FGD3: variants seen among roughly 807,000 people sequenced by gnomAD.
The protein encoded by FGD3 is FYVE, RhoGEF and PH domain-containing protein 3.
FGD3 carries 45 observed loss-of-function variants against 71.8 expected under a neutral mutation model. That is an observed-to-expected ratio of 0.63 (90% CI 0.49 to 0.80). The LOEUF (loss-of-function observed/expected upper bound fraction) is 0.80, where lower values mean the gene tolerates loss of function less well. Among genes scored for constraint, FGD3 ranks in the 30% least tolerant of loss-of-function variants. The pLI, the probability that FGD3 is intolerant of heterozygous loss-of-function variation, is 0.00. For synonymous variants in FGD3, 378 were observed against 392.8 expected (o/e 0.96, Z 0.44); for missense variants, 844 against 951.5 (o/e 0.89, Z 1.49).
intron 14 of FGD3, among the ~76,000 whole-genome samples, chr9:93,025,998 G>A (rs909740916): frequency 7.9e-5 from 12 of 152,200 alleles, no homozygotes; most frequent in African/African-American, 2.4e-4. Flanking sequence ...CAGTGCCTGC[G>A]CCTCACAGCC....
intron 15 of FGD3, chr9:93,032,402 T>A (rs1429842249): frequency 4.5e-6 from 1 of 220,544 alleles, no homozygotes; most frequent in Non-Finnish European, 9.3e-6. Context: ...AAAATAGCCA[T>A]GCTGAGGGGT....
chr9:93,026,499 C>G (rs868495503), intron 14 of FGD3, among the ~76,000 whole-genome samples: 1 of 152,170 alleles, frequency 6.6e-6, no homozygotes, highest in East Asian at 1.9e-4. Flanking sequence ...GGGTTGGCCT[C>G]GACGGGCTGC....
Position 92,976,358 on chromosome 9 carries a change from G to T in FGD3, c.102G>T (p.Ala34=). 6.2e-7 allele frequency: 1 copy of T among 1,610,332 alleles called. No homozygotes were observed. The highest frequency in any genetic ancestry group is 1.1e-5 in the South Asian group (1 of 90,184). The part of the protein sequence containing the change: ...PGSSSLGKLQ[A]LPVGPRAHCG... ...GTTCCTCCCTAGGGAAGCTTCAGGCGCTCCCTGTTGGGCCCAGAGCCCACT... is the reference window on the plus strand; with the variant it reads ...GTTCCTCCCTAGGGAAGCTTCAGGCTCTCCCTGTTGGGCCCAGAGCCCACT... Residue 34 remains alanine (A), a synonymous_variant, in exon 3 of 18, where the codon GCG becomes GCT. Coordinates refer to ENST00000375482, the MANE Select transcript of FGD3 (RefSeq NM_001083536.2).
rs1396586535 is a variant in FGD3, at chr9:93,011,861, A to T, written c.1035+589A>T. Among the ~76,000 whole-genome samples, 6 of 143,386 alleles carry T rather than the reference A, an allele frequency of 4.2e-5. No homozygotes were observed. The East Asian group carries it at 1.2e-3, about 30-fold the overall frequency. 94.1% of individuals were successfully genotyped at this position (143,386 alleles called of 152,430 possible). A position where few individuals can be genotyped will look rare whatever the true frequency, so the allele number is the denominator to read the frequency against. On this transcript the variant is annotated intron_variant, in intron 8 of 17. Coordinates refer to ENST00000375482, the MANE Select transcript of FGD3 (RefSeq NM_001083536.2). ...ACAGAGTGAGACTCCGTCTCAAAAA[A>T]AAAAGAATCACTCTAGGCCAGGCGC...
intron 15 of FGD3, among the ~76,000 whole-genome samples, chr9:93,031,729 G>T (rs1234300194): frequency 6.6e-6 from 1 of 152,168 alleles, no homozygotes; most frequent in Non-Finnish European, 1.5e-5. Context: ...GTTCAAACTA[G>T]AATTTCCCAA....
chr9:92,967,046 C>G (rs571207032), intron 1 of FGD3, among the ~76,000 whole-genome samples: 6 of 151,636 alleles, frequency 4.0e-5, no homozygotes, highest in African/African-American at 1.5e-4. Context: ...ACTGCAACCT[C>G]CATCTCCCAG....
chr9:93,031,438 G>A (rs1862352534), intron 15 of FGD3, among the ~76,000 whole-genome samples: 1 of 152,218 alleles, frequency 6.6e-6, no homozygotes, highest in Admixed American at 6.5e-5. Flanking sequence ...GTGGCTCGGT[G>A]CCCTCAGTGA....
At chr9:93,011,145 T>C in intron 7 of FGD3, 69 bp from the exon 8 acceptor site, 1 of 1,511,624 alleles carries the variant, frequency 6.6e-7, no homozygotes, top group Admixed American at 1.7e-5. Flanking sequence ...GCAGCTGCCC[T>C]GGAGCCCCTC....
In FGD3 at chr9:93,002,836, T is replaced by A; in HGVS notation, c.454-89T>A. On this transcript the variant is annotated intron_variant, in intron 3 of 17. Transcript: ENST00000375482. ...GGCCTCCTGCCACCCCTGTGGCCCC[T>A]GGTTCTCCTGCACACAGTGGCAGCC... The A allele has an allele frequency of 2.2e-6, 3 of 1,343,746 alleles. No homozygotes were observed. In the East Asian group the frequency reaches 6.9e-5, roughly 31 times the overall value. The allele number at this position is 1,343,746 out of a possible 1,614,324, so 83.2% of individuals were successfully genotyped here.
intron 9 of FGD3, among the ~76,000 whole-genome samples, chr9:93,015,269 A>T (rs1377118011): frequency 6.6e-6 from 1 of 152,088 alleles, no homozygotes; most frequent in Non-Finnish European, 1.5e-5. Flanking sequence ...CAGCCTGGCC[A>T]ACATGGCGAA....
At chr9:92,983,294 G>A (rs939242662) in intron 3 of FGD3, among the ~76,000 whole-genome samples, 9 of 151,812 alleles carry the variant, frequency 5.9e-5, no homozygotes, top group Admixed American at 4.6e-4. Flanking sequence ...AGGCTGAGGC[G>A]GGTGGATCAT....
intron 3 of FGD3, among the ~76,000 whole-genome samples, chr9:92,979,100 C>A (rs1176129159): frequency 6.6e-6 from 1 of 151,906 alleles, no homozygotes; most frequent in Non-Finnish European, 1.5e-5. Context: ...GACTTTTCTT[C>A]CTTTTTCTCT....
intron 3 of FGD3, among the ~76,000 whole-genome samples, chr9:92,987,730 C>T (rs764940411): frequency 3.3e-5 from 5 of 152,170 alleles, no homozygotes; most frequent in Non-Finnish European, 4.4e-5. Flanking sequence ...GGCCCACCAG[C>T]ACTTGGGAGG....
intron 3 of FGD3, among the ~76,000 whole-genome samples, chr9:92,977,159 G>T (rs1446303646): frequency 6.6e-6 from 1 of 152,210 alleles, no homozygotes; most frequent in Non-Finnish European, 1.5e-5. Flanking sequence ...GTCACCTATG[G>T]GGTGTGGCAC....
chr9:93,032,370 G>C, intron 15 of FGD3: 1 of 192,110 alleles, frequency 5.2e-6, no homozygotes, highest in Admixed American at 5.3e-5. Flanking sequence ...TCTTTTTGTC[G>C]CTGTTGTCAT....
At chr9:92,986,298 G>C (rs2118625247) in intron 3 of FGD3, among the ~76,000 whole-genome samples, 1 of 152,292 alleles carries the variant, frequency 6.6e-6, no homozygotes, top group East Asian at 1.9e-4. Flanking sequence ...TTTTCTCAGA[G>C]TCCCATCTCT....
At chr9:93,014,081 G>T in intron 9 of FGD3, 83 bp downstream of exon 9, 2 of 1,483,390 alleles carry the variant, frequency 1.3e-6, no homozygotes, top group Non-Finnish European at 1.8e-6. Flanking sequence ...GAGGGCTCTG[G>T]CTGCCCAAGG....
chr9:93,012,153 CAAAAA>C (rs60323624), intron 8 of FGD3, among the ~76,000 whole-genome samples: 8 of 118,418 alleles, frequency 6.8e-5, no homozygotes, highest in Admixed American at 8.3e-5. Flanking sequence ...GACTCTGTCT[CAAAAA>C]AAAAAAAAAA....
At position 93,003,792 on chromosome 9, in the gene FGD3, G is replaced by A. The variant is rs529662786; in HGVS notation, c.544-209G>A. Among the ~76,000 whole-genome samples the A allele has an allele frequency of 3.9e-5, 6 of 152,306 alleles. No homozygotes were observed. The East Asian group carries it at 1.2e-3, about 29-fold the overall frequency. On this transcript the variant is annotated intron_variant, in intron 4 of 17. Transcript: ENST00000375482. The surrounding 1 kb of genome is among the most constrained non-coding windows in gnomAD (Gnocchi z 4.1). ...GACTGTCCCTGCCTCACCCACATTC[G>A]TAAGTCATAAGTGAGCTTGCATTAA...
Sources: gnomAD v4.1 joint callset for allele counts (sites outside exome capture counted in the v4.1 genomes callset) on GRCh38, gnomAD v4.1.1 for gene constraint, Gnocchi (gnomAD v3.1) non-coding constraint, MANE v1.5 for transcripts, NCBI Gene and HGNC (gene_info 2026-07-23, HGNC 2026-07-21) for gene names.